ARPC2: variants seen among roughly 807,000 people sequenced by gnomAD.
ARPC2 encodes actin-related protein 2/3 complex subunit 2.
A neutral mutation model predicts 38.6 loss-of-function variants in ARPC2; 4 were observed. The observed-to-expected ratio is 0.10, with a 90% CI of 0.05 to 0.24. ARPC2 has a LOEUF of 0.24. Ranked by LOEUF, ARPC2 falls within the 10% of genes least tolerant of loss-of-function variation. The pLI is 1.00. For synonymous variants in ARPC2, 125 were observed against 140.8 expected (o/e 0.89, Z 0.79); for missense variants, 229 against 387.3 (o/e 0.59, Z 3.43).
At chr2:218,247,449 C>G (rs1434229496) in intron 8 of ARPC2, among the ~76,000 whole-genome samples, 1 of 152,114 alleles carries the variant, frequency 6.6e-6, no homozygotes, top group Non-Finnish European at 1.5e-5. Flanking sequence ...GTTGATTTAC[C>G]AAATTTCATT....
At chr2:218,246,402 C>T (rs564272673) in intron 8 of ARPC2, among the ~76,000 whole-genome samples, 46 of 151,886 alleles carry the variant, frequency 3.0e-4, no homozygotes, top group African/African-American at 8.7e-4. Flanking sequence ...TGGTGGTGTG[C>T]GCCTGTAATC....
chr2:218,234,206 C>T, intron 4 of ARPC2, 146 bp from the exon 5 acceptor site: 1 of 588,746 alleles, frequency 1.7e-6, no homozygotes, highest in Non-Finnish European at 2.9e-6. Flanking sequence ...CACTTCCCCT[C>T]TGTCTCTACT....
intron 2 of ARPC2, among the ~76,000 whole-genome samples, chr2:218,221,579 TC>T (rs1472882351): frequency 6.6e-6 from 1 of 152,204 alleles, no homozygotes. Flanking sequence ...AACTGATAAC[TC>T]CTTAAGAGCT....
chr2:218,221,450 CAGTA>C (rs1425911630), intron 2 of ARPC2, among the ~76,000 whole-genome samples: 2 of 152,194 alleles, frequency 1.3e-5, no homozygotes, highest in African/African-American at 2.4e-5. Flanking sequence ...GTGTCCAACT[CAGTA>C]AGAAGACCTG....
At chr2:218,239,774 G>A (rs1413395772) in intron 7 of ARPC2, among the ~76,000 whole-genome samples, 2 of 151,640 alleles carry the variant, frequency 1.3e-5, no homozygotes, top group Non-Finnish European at 2.9e-5. Flanking sequence ...TGTATTTTTA[G>A]TAGAGACGGG....
intron 2 of ARPC2, among the ~76,000 whole-genome samples, chr2:218,218,086 A>C (rs553501836): frequency 6.6e-6 from 1 of 152,296 alleles, no homozygotes; most frequent in African/African-American, 2.4e-5. Flanking sequence ...TTAGAGCCGG[A>C]AAAACGCGAT....
chr2:218,220,762 G>A (rs1689364981), intron 2 of ARPC2, among the ~76,000 whole-genome samples: 1 of 152,086 alleles, frequency 6.6e-6, no homozygotes, highest in Non-Finnish European at 1.5e-5. Flanking sequence ...TTAATTTGGA[G>A]GCAGTTTGAC....
At chr2:218,240,196 G>A (rs1200987950) in intron 7 of ARPC2, among the ~76,000 whole-genome samples, 5 of 151,174 alleles carry the variant, frequency 3.3e-5, no homozygotes, top group East Asian at 2.0e-4. Context: ...CTCATGATCC[G>A]CCCGCCTCAG....
rs114371707 is a variant in ARPC2, at chr2:218,229,927, C to T, written c.222+1077C>T. ...AAGATAGTGGCTGACACTTCTTTACCAGATAAAGAGTGAAAGAAAACAAAT... is the reference window on the plus strand; with the variant it reads ...AAGATAGTGGCTGACACTTCTTTACTAGATAAAGAGTGAAAGAAAACAAAT... On this transcript the variant is annotated intron_variant, in intron 4 of 10. Coordinates refer to ENST00000315717, the MANE Select transcript of ARPC2 (RefSeq NM_152862.3). Among the ~76,000 whole-genome samples, 899 of 150,754 alleles carry T rather than the reference C, an allele frequency of 6.0e-3. 3 individuals carry two copies. Among genetic ancestry groups the T allele is most frequent in the Middle Eastern group, 0.043 (12 of 280 alleles).
chr2:218,247,651 A>G (rs752920366), intron 8 of ARPC2, among the ~76,000 whole-genome samples: 1 of 151,920 alleles, frequency 6.6e-6, no homozygotes, highest in Non-Finnish European at 1.5e-5. Context: ...TTCAGTAGAA[A>G]CAGGGTTTCC....
At chr2:218,226,685 T>G (rs892212519) in intron 3 of ARPC2, among the ~76,000 whole-genome samples, 1 of 151,690 alleles carries the variant, frequency 6.6e-6, no homozygotes, top group Non-Finnish European at 1.5e-5. Flanking sequence ...TCATCAGGTC[T>G]TTTTGAGCTC....
At chr2:218,247,505 C>T (rs1314104307) in intron 8 of ARPC2, among the ~76,000 whole-genome samples, 1 of 152,098 alleles carries the variant, frequency 6.6e-6, no homozygotes, top group Admixed American at 6.6e-5. Flanking sequence ...TCTCTGTCAC[C>T]CAGGCTGGAG....
At chr2:218,238,604 T>TG (rs1413466192) in intron 5 of ARPC2, 60 bp from the exon 6 acceptor site, 1 of 955,258 alleles carries the variant, frequency 1.0e-6, no homozygotes. Context: ...TTTTTTTTTT[T>TG]TTTTTTTTAA....
At chr2:218,244,143 T>A (rs1410296627) in intron 7 of ARPC2, among the ~76,000 whole-genome samples, 1 of 152,236 alleles carries the variant, frequency 6.6e-6, no homozygotes, top group Non-Finnish European at 1.5e-5. Context: ...CTTCCCTTCC[T>A]TTTTGGATAT....
chr2:218,231,512 G>T lies in ARPC2; in HGVS notation c.222+2662G>T, dbSNP rs543407900. Among the ~76,000 whole-genome samples, 29 of 152,236 alleles carry T rather than the reference G, an allele frequency of 1.9e-4. No homozygotes were observed. In the South Asian group the frequency reaches 5.8e-3, roughly 30 times the overall value. On this transcript the variant is annotated intron_variant, in intron 4 of 10. Coordinates refer to ENST00000315717, the MANE Select transcript of ARPC2 (RefSeq NM_152862.3). ...TGCAACACAGACTTGTAGCTCAGAGGTCGCATGCTGTTTCAAATTCTTGGG... is the reference window on the plus strand; with the variant it reads ...TGCAACACAGACTTGTAGCTCAGAGTTCGCATGCTGTTTCAAATTCTTGGG...
At position 218,229,121 on chromosome 2, in the gene ARPC2, G is replaced by T. The variant is rs571479364; in HGVS notation, c.222+271G>T. The T allele has an allele frequency of 6.1e-5, 14 of 228,476 alleles. No homozygotes were observed. The South Asian group carries it at 7.7e-4, about 13-fold the overall frequency. 14.2% of individuals were successfully genotyped at this position (228,476 alleles called of 1,614,324 possible). On this transcript the variant is annotated intron_variant, in intron 4 of 10. Transcript: ENST00000315717. ...CTTTTCCTTGATCAGTACAAAAATA[G>T]CTGTTGCAAGAATTAGGTTCTGTTC... is the stretch of plus-strand genomic sequence containing the variant.
At position 218,234,900 on chromosome 2, in the gene ARPC2, G is replaced by A. The variant is rs553845546; in HGVS notation, c.268+503G>A. 840 of 456,636 alleles carry A rather than the reference G, an allele frequency of 1.8e-3. 1 individual carries two copies. The highest frequency in any genetic ancestry group is 3.4e-3 in the Non-Finnish European group (762 of 226,966). 28.3% of individuals were successfully genotyped at this position (456,636 alleles called of 1,614,324 possible). A position where few individuals can be genotyped will look rare whatever the true frequency, so the allele number is the denominator to read the frequency against. On this transcript the variant is annotated intron_variant, in intron 5 of 10. Coordinates refer to ENST00000315717, the MANE Select transcript of ARPC2 (RefSeq NM_152862.3). Reference sequence around the variant, plus strand: ...ATGGCCAGAGGAATTGAAAGGCACCGTGTCATCCTTGAATAGAACAGCTAT... The same window carrying A: ...ATGGCCAGAGGAATTGAAAGGCACCATGTCATCCTTGAATAGAACAGCTAT...
rs539486804 is a variant in ARPC2 at position 218,245,522 on chromosome 2, G to A, written c.652G>A (p.Asp218Asn). The A allele has an allele frequency of 1.2e-6, 2 of 1,614,158 alleles. No homozygotes were observed. Among genetic ancestry groups the A allele is most frequent in the South Asian group, 1.1e-5 (1 of 91,070 alleles). The part of the protein sequence containing the change: ...ELKDTDAAVG[D>N]NIGYITFVLF... Reference sequence around the variant, plus strand: ...GAAAGACACAGACGCCGCTGTGGGTGACAACATTGGCTACATTACCTTTGG... The same window carrying A: ...GAAAGACACAGACGCCGCTGTGGGTAACAACATTGGCTACATTACCTTTGG... The change falls in exon 8 of 11, where the codon GAC becomes AAC. Residue 218 changes from aspartate (D) to asparagine (N), a missense_variant. Transcript: ENST00000315717.
chr2:218,230,093 C>T (rs1035225747), intron 4 of ARPC2, among the ~76,000 whole-genome samples: 2 of 151,830 alleles, frequency 1.3e-5, no homozygotes, highest in African/African-American at 2.4e-5. Flanking sequence ...GCCTCAGCCT[C>T]CTGAGTAGCT....
Sources: gnomAD v4.1 joint callset for allele counts (sites outside exome capture counted in the v4.1 genomes callset) on GRCh38, gnomAD v4.1.1 for gene constraint, MANE v1.5 for transcripts, NCBI Gene and HGNC (gene_info 2026-07-23, HGNC 2026-07-21) for gene names.